Variants in STAM2 observed in about 807,000 individuals in gnomAD.
The protein encoded by STAM2 is signal transducing adapter molecule 2.
STAM2 carries 51 observed loss-of-function variants against 65.6 expected under a neutral mutation model. That is an observed-to-expected ratio of 0.78 (90% CI 0.62 to 0.98). The LOEUF (loss-of-function observed/expected upper bound fraction) is 0.98, where lower values mean the gene tolerates loss of function less well. Ranked by LOEUF, STAM2 falls within the 50% of genes least tolerant of loss-of-function variation. The pLI is 0.00. For synonymous variants in STAM2, 198 were observed against 208.4 expected, an observed-to-expected ratio of 0.95 and a Z score of 0.43; for missense variants, 584 against 617.8, an observed-to-expected ratio of 0.95 and a Z score of 0.58.
At chr2:152,135,118 A>G (rs1255141353) in intron 8 of STAM2, among the ~76,000 whole-genome samples, 1 of 152,248 alleles carries the variant, frequency 6.6e-6, no homozygotes, top group African/African-American at 2.4e-5. Context: ...GCACTTGCCA[A>G]CCACAACCTC....
intron 7 of STAM2, among the ~76,000 whole-genome samples, chr2:152,137,833 AAG>A (rs1189774327): frequency 1.3e-5 from 2 of 152,172 alleles, no homozygotes; most frequent in African/African-American, 4.8e-5. Flanking sequence ...GTAGTATAAA[AAG>A]AGCCATTCAT....
chr2:152,164,505 G>A (rs1689741523), intron 1 of STAM2, among the ~76,000 whole-genome samples: 1 of 152,176 alleles, frequency 6.6e-6, no homozygotes, highest in Non-Finnish European at 1.5e-5. Context: ...ACCACGCCGG[G>A]CTAATTTTGT....
At chr2:152,158,188 T>C (rs1689587717) in intron 1 of STAM2, among the ~76,000 whole-genome samples, 1 of 152,144 alleles carries the variant, frequency 6.6e-6, no homozygotes, top group Non-Finnish European at 1.5e-5. Flanking sequence ...TAAAAAGTCA[T>C]TAAATGGGCT....
At chr2:152,156,447 T>A (rs976755637) in intron 1 of STAM2, among the ~76,000 whole-genome samples, 6 of 152,146 alleles carry the variant, frequency 3.9e-5, no homozygotes, top group African/African-American at 1.4e-4. Flanking sequence ...CTTTGCCCAA[T>A]GTTGGGGCCC....
chr2:152,141,177 T>C (rs1159396284), intron 7 of STAM2, among the ~76,000 whole-genome samples: 1 of 142,606 alleles, frequency 7.0e-6, no homozygotes, highest in Non-Finnish European at 1.5e-5. Flanking sequence ...AAACATGGAG[T>C]GGTAAGATAA....
At position 152,148,264 on chromosome 2, in the gene STAM2, T is replaced by C. The variant is rs746122765; in HGVS notation, c.162A>G (p.Val54=). The change falls in exon 3 of 14, where the codon GTA becomes GTG. Residue 54 remains valine, a synonymous_variant. Coordinates refer to ENST00000263904, the MANE Select transcript of STAM2 (RefSeq NM_005843.6). ...KDCLKAIMKR[V]NHKVPHVALQ... ...GAGCAACATGTGGAACCTTATGATT[T>C]ACCCTTTTCATTATGGCTTTTAGGC... 2.5e-6 allele frequency: 4 copies of C among 1,611,932 alleles called. No individual in the cohort carries two copies. Among genetic ancestry groups the C allele is most frequent in the Non-Finnish European group, 3.4e-6 (4 of 1,179,156 alleles).
At chr2:152,174,465 A>G (rs1021851170) in intron 1 of STAM2, among the ~76,000 whole-genome samples, 2 of 152,232 alleles carry the variant, frequency 1.3e-5, no homozygotes, top group African/African-American at 2.4e-5. Context: ...GAACATACAT[A>G]TTTGAACTAT....
At chr2:152,175,562 G>A (rs1690001673) in intron 1 of STAM2, 41 bp downstream of exon 1, 3 of 1,613,122 alleles carry the variant, frequency 1.9e-6, no homozygotes, top group Non-Finnish European at 2.5e-6. Flanking sequence ...AGCAGTCCAG[G>A]GCCAGGCACA....
chr2:152,166,539 A>G (rs1689789480), intron 1 of STAM2, among the ~76,000 whole-genome samples: 1 of 152,322 alleles, frequency 6.6e-6, no homozygotes, highest in South Asian at 2.1e-4. Context: ...CAGAATGTCA[A>G]TAATTTTCAG....
At position 152,150,176 on chromosome 2, in the gene STAM2, T is replaced by C. The variant is rs371811115; in HGVS notation, c.94A>G (p.Ile32Val). 1.2e-6 allele frequency: 2 copies of C among 1,613,648 alleles called. No homozygotes were observed. Among genetic ancestry groups the C allele is most frequent in the African/African-American group, 1.3e-5 (1 of 75,056 alleles). The stretch of plus-strand genomic sequence containing the variant: ...GGAGTACTTCCAACTTTGTCACATA[T>C]GTCCATAATAAGACTCCAATCTTCT... ...TTEDWSLIMD[I>V]CDKVGSTPNG... The change falls in exon 2 of 14, where the codon ATA becomes GTA. Residue 32 changes from isoleucine to valine, a missense_variant. Coordinates refer to ENST00000263904, the MANE Select transcript of STAM2 (RefSeq NM_005843.6).
At chr2:152,171,632 T>C (rs1689900496) in intron 1 of STAM2, among the ~76,000 whole-genome samples, 1 of 152,240 alleles carries the variant, frequency 6.6e-6, no homozygotes, top group South Asian at 2.1e-4. Flanking sequence ...GGTCAACTTC[T>C]TCTAACACAG....
intron 12 of STAM2, 46 bp downstream of exon 12, chr2:152,126,173 TACTTTTA>T (rs763241207): frequency 6.9e-7 from 1 of 1,444,010 alleles, no homozygotes; most frequent in East Asian, 2.6e-5. Flanking sequence ...CATTTTCTTT[TACTTTTA>T]AAAGTTGTTT....
intron 7 of STAM2, among the ~76,000 whole-genome samples, chr2:152,141,731 C>G (rs962921748): frequency 6.6e-6 from 1 of 151,718 alleles, no homozygotes; most frequent in Non-Finnish European, 1.5e-5. Flanking sequence ...GCTGGGACTA[C>G]AGGCGTGCGC....
At chr2:152,170,330 A>C (rs762212163) in intron 1 of STAM2, among the ~76,000 whole-genome samples, 2 of 151,928 alleles carry the variant, frequency 1.3e-5, no homozygotes, top group Non-Finnish European at 2.9e-5. Flanking sequence ...AATACAAAAA[A>C]AAATTACCTG....
At chr2:152,168,900 G>A (rs190381281) in intron 1 of STAM2, among the ~76,000 whole-genome samples, 76 of 152,186 alleles carry the variant, frequency 5.0e-4, no homozygotes, top group African/African-American at 1.7e-3. Context: ...CAATTCCTCC[G>A]CAGACCTTAT....
rs1688761108 is a variant in STAM2, at chr2:152,117,075, T to C, written c.*3499A>G. On this transcript the variant is annotated 3_prime_UTR_variant, in exon 14 of 14. Transcript: ENST00000263904. ...GTACATGAAATTTGGAGGGACACTA[T>C]TCACTATATCACACAAGCAACATAA... The C allele has an allele frequency of 2.0e-5, 3 of 152,196 alleles. No homozygotes were observed. Among genetic ancestry groups the C allele is most frequent in the Non-Finnish European group, 4.4e-5 (3 of 68,036 alleles). 9.4% of individuals were successfully genotyped at this position (152,196 alleles called of 1,614,324 possible).
chr2:152,165,560 A>G (rs971971511), intron 1 of STAM2, among the ~76,000 whole-genome samples: 1 of 152,214 alleles, frequency 6.6e-6, no homozygotes, highest in African/African-American at 2.4e-5. Context: ...CACACTCCGT[A>G]TGCACCTGTG....
intron 2 of STAM2, 65 bp from the exon 3 acceptor site, chr2:152,148,365 G>C: frequency 4.6e-6 from 6 of 1,296,944 alleles, no homozygotes; most frequent in Non-Finnish European, 5.4e-6. Context: ...CAAACATTAA[G>C]GTATTATTCT....
intron 5 of STAM2, among the ~76,000 whole-genome samples, chr2:152,145,669 G>C (rs1273942938): frequency 1.3e-5 from 2 of 152,218 alleles, no homozygotes; most frequent in South Asian, 4.1e-4. Context: ...CATCACTGAA[G>C]AGAGAGGAAT....
Sources: gnomAD v4.1 joint callset for allele counts (sites outside exome capture counted in the v4.1 genomes callset) on GRCh38, gnomAD v4.1.1 for gene constraint, MANE v1.5 for transcripts, NCBI Gene and HGNC (gene_info 2026-07-23, HGNC 2026-07-21) for gene names.